Variants in PCDHA2 observed in about 807,000 individuals in gnomAD.
PCDHA2 encodes the protein protocadherin alpha-2.
Under a neutral mutation model 66.0 loss-of-function variants are expected in PCDHA2, and 58 were observed. The ratio of observed to expected loss-of-function variants is 0.88; its 90% CI spans 0.71 to 1.09. The LOEUF (loss-of-function observed/expected upper bound fraction) is 1.09. Among genes scored for constraint, PCDHA2 ranks in the 50% least tolerant of loss-of-function variants. The pLI is 0.00. For synonymous variants in PCDHA2, 634 were observed against 554.0 expected, an observed-to-expected ratio of 1.14 and a Z score of -2.03; for missense variants, 1,267 against 1,242.3, an observed-to-expected ratio of 1.02 and a Z score of -0.30.
At chr5:140,798,594 G>A (rs1300036302) in intron 1 of PCDHA2, among the ~76,000 whole-genome samples, 1 of 152,032 alleles carries the variant, frequency 6.6e-6, no homozygotes, top group Non-Finnish European at 1.5e-5. Context: ...CTTTTTTCTG[G>A]CATCTAATTC....
intron 3 of PCDHA2, among the ~76,000 whole-genome samples, chr5:140,986,890 G>A (rs965456573): frequency 6.6e-6 from 1 of 152,124 alleles, no homozygotes; most frequent in Non-Finnish European, 1.5e-5. Flanking sequence ...CAAATTCTTA[G>A]GCCCTATCCT....
chr5:140,853,671 A>G (rs1314444035), intron 1 of PCDHA2: 5 of 988,246 alleles, frequency 5.1e-6, no homozygotes, highest in East Asian at 1.1e-4. Flanking sequence ...ATTGGGGCCT[A>G]TGGTCAACCT....
At chr5:140,808,263 T>A (rs782815888) in intron 1 of PCDHA2, 2 of 1,614,224 alleles carry the variant, frequency 1.2e-6, no homozygotes, top group African/African-American at 2.7e-5. Context: ...TCACTTCCAA[T>A]TAGAGAGGAC....
In PCDHA2 at chr5:140,997,121, A is replaced by G. The variant is rs138556400; in HGVS notation, c.2537-12506A>G. On this transcript the variant is annotated intron_variant, in intron 3 of 3. Transcript: ENST00000526136. ...CTCATGCACTCCTGCTCTCCCACAT[A>G]CACAATGCCCCCACACCCCCGCCAC... 2.1e-4 allele frequency among the ~76,000 whole-genome samples: 32 copies of G among 152,152 alleles called. No individual in the cohort carries two copies. The East Asian group carries it at 5.8e-3, about 28-fold the overall frequency.
rs782509295 is a variant in PCDHA2 at position 140,796,816 on chromosome 5, G to C, written c.1852G>C (p.Ala618Pro). Residue 618 changes from alanine (A) to proline (P), a missense_variant, in exon 1 of 4, where the codon GCT becomes CCT. Ala to Pro is a conservative substitution (Grantham distance 27). Coordinates refer to ENST00000526136, the MANE Select transcript of PCDHA2 (RefSeq NM_018905.3). ...CGAGCTTCAGCTGGGTACTGGCAGCGCTCGCATCCCGTTCCGCGTGGGGCT... is the reference window on the plus strand; with the variant it reads ...CGAGCTTCAGCTGGGTACTGGCAGCCCTCGCATCCCGTTCCGCGTGGGGCT... The part of the protein sequence containing the change: ...SYELQLGTGS[A>P]RIPFRVGLYT... 2 of 1,614,004 alleles carry C rather than the reference G, an allele frequency of 1.2e-6. No individual in the cohort carries two copies. Among genetic ancestry groups the C allele is most frequent in the Admixed American group, 1.7e-5 (1 of 60,012 alleles).
At position 140,796,055 on chromosome 5, in the gene PCDHA2, C is replaced by T. The variant is rs1214557542; in HGVS notation, c.1091C>T (p.Ser364Phe). ...TCACTTCCCATCTCAGAGAACGCTT[C>T]CCTGGGCACTGTCATTGCTCTCATC... ...SLSLPISENA[S>F]LGTVIALITV... Residue 364 changes from serine to phenylalanine, a missense_variant, in exon 1 of 4, where the codon TCC (serine) becomes TTC (phenylalanine). Physicochemically the swap from Ser to Phe is radical, Grantham distance 155. Transcript: ENST00000526136. 19 of 1,614,090 alleles carry T rather than the reference C, an allele frequency of 1.2e-5. No individual in the cohort carries two copies. The highest frequency in any genetic ancestry group is 4.0e-5 in the African/African-American group (3 of 74,924).
chr5:140,809,784 A>G (rs999775431), intron 1 of PCDHA2: 3 of 494,866 alleles, frequency 6.1e-6, no homozygotes, highest in East Asian at 3.4e-5. Context: ...ATGCATATTA[A>G]CAGAACTGTA....
intron 1 of PCDHA2, chr5:140,837,064 G>A: frequency 5.4e-6 from 1 of 186,332 alleles, no homozygotes; most frequent in Non-Finnish European, 1.1e-5. Context: ...TCCATATTTT[G>A]ATAATCAATA....
At chr5:140,857,244 C>G in intron 1 of PCDHA2, 1 of 1,598,592 alleles carries the variant, frequency 6.3e-7, no homozygotes, top group Non-Finnish European at 8.6e-7. Context: ...CTGGTGTCCA[C>G]CTACAAGAAT....
At chr5:140,882,961 G>A (rs267600401) in intron 1 of PCDHA2, 1 of 1,614,180 alleles carries the variant, frequency 6.2e-7, no homozygotes, top group Non-Finnish European at 8.5e-7. Context: ...TGCTCATCAC[G>A]ATTCTGGACG....
At chr5:140,993,137 A>G (rs1336525759) in intron 3 of PCDHA2, among the ~76,000 whole-genome samples, 12 of 152,212 alleles carry the variant, frequency 7.9e-5, no homozygotes, top group African/African-American at 2.7e-4. Flanking sequence ...CTGTTGCAAC[A>G]AGTATAAATG....
intron 1 of PCDHA2, chr5:140,807,034 G>A: frequency 1.1e-6 from 1 of 929,518 alleles, no homozygotes; most frequent in South Asian, 1.7e-5. Context: ...GGAGGAAGAA[G>A]GGAAAATTCC....
Position 140,855,945 on chromosome 5 carries a change from C to T in PCDHA2, c.2388+58593C>T, listed in dbSNP as rs187469272. On this transcript the variant is annotated intron_variant, in intron 1 of 3. Transcript: ENST00000526136. ...AGTAGCGTCATTCTGAGATCTCAGC[C>T]ATTTCGATAAAAAATAGATATAAGA... 8 of 1,336,226 alleles carry T rather than the reference C, an allele frequency of 6.0e-6. No individual in the cohort carries two copies. In the Admixed American group the frequency reaches 1.2e-4, roughly 20 times the overall value. 82.8% of individuals were successfully genotyped at this position (1,336,226 alleles called of 1,614,324 possible). A position where few individuals can be genotyped will look rare whatever the true frequency, so the allele number is the denominator to read the frequency against.
intron 1 of PCDHA2, chr5:140,824,250 T>G: frequency 4.3e-6 from 6 of 1,404,896 alleles, no homozygotes; most frequent in Non-Finnish European, 4.0e-6. Context: ...TGGTACACAA[T>G]TATTGCACTA....
At chr5:140,812,222 T>G (rs1554125926) in intron 1 of PCDHA2, 1 of 152,036 alleles carries the variant, frequency 6.6e-6, no homozygotes, top group Non-Finnish European at 1.5e-5. Flanking sequence ...TTTAGATTTT[T>G]TATGATTATG....
chr5:140,842,803 T>A, intron 1 of PCDHA2: 2 of 1,594,132 alleles, frequency 1.3e-6, no homozygotes, highest in Non-Finnish European at 8.6e-7. Flanking sequence ...CCTACTCGCT[T>A]GTGGAGCGGC....
chr5:140,941,202 C>CTTTCTCTCTTT (rs1554213921), intron 1 of PCDHA2, among the ~76,000 whole-genome samples: 1 of 122,742 alleles, frequency 8.1e-6, no homozygotes, highest in African/African-American at 3.0e-5. Flanking sequence ...TTTCTTTCTT[C>CTTTCTCTCTTT]CTTTCTTTCT....
intron 1 of PCDHA2, among the ~76,000 whole-genome samples, chr5:140,945,624 C>T (rs1248945489): frequency 6.6e-6 from 1 of 152,028 alleles, no homozygotes; most frequent in African/African-American, 2.4e-5. Flanking sequence ...ATGGTACTGG[C>T]ATAAAAGACA....
At position 140,795,234 on chromosome 5, in the gene PCDHA2, C is replaced by A. The variant is rs1474265282; in HGVS notation, c.270C>A (p.Ile90=). The A allele has an allele frequency of 4.3e-6, 7 of 1,614,080 alleles. No homozygotes were observed. In the Admixed American group the frequency reaches 5.0e-5, roughly 12 times the overall value. ...QNGILFVNSR[I]DREELCGRSA... ...GCATTTTGTTTGTGAATTCTCGGAT[C>A]GACCGGGAGGAGCTGTGCGGGCGGA... Residue 90 remains isoleucine, a synonymous_variant, in exon 1 of 4, where the codon ATC becomes ATA. Transcript: ENST00000526136.
Sources: allele counts gnomAD v4.1 joint callset (sites outside exome capture counted in the v4.1 genomes callset), GRCh38; gene constraint gnomAD v4.1.1; transcripts MANE v1.5; gene names NCBI Gene and HGNC (gene_info 2026-07-23, HGNC 2026-07-21).